The following FBXO4 variants were observed in gnomAD, a reference collection of about 807,000 sequenced individuals.
FBXO4 encodes the protein F-box only protein 4.
Under a neutral mutation model 43.7 loss-of-function variants are expected in FBXO4, and 36 were observed. The observed-to-expected ratio is 0.82, with a 90% CI of 0.63 to 1.09. The LOEUF (loss-of-function observed/expected upper bound fraction) is 1.09, where lower values mean the gene tolerates loss of function less well. FBXO4 is among the 50% of genes least tolerant of loss of function. The pLI is 0.00. For missense variants in FBXO4, 435 were observed against 474.1 expected (o/e 0.92, Z 0.77); for synonymous variants, 180 against 165.6 (o/e 1.09, Z -0.67).
the FBXO4 span, chr5:41,963,862 T>C: frequency 6.6e-6 from 1 of 152,186 alleles, no homozygotes; most frequent in African/African-American, 2.4e-5. Context: ...AATTAGAATT[T>C]TTTTTTAAAG....
chr5:41,999,541 ATATG>A, the FBXO4 span, among the ~76,000 whole-genome samples: 147 of 109,256 alleles, frequency 1.3e-3, 1 homozygote, highest in African/African-American at 3.4e-3. Flanking sequence ...ATATACATAT[ATATG>A]TATATATATA....
chr5:41,973,523 TA>T, the FBXO4 span, among the ~76,000 whole-genome samples: 2 of 151,894 alleles, frequency 1.3e-5, no homozygotes, highest in Non-Finnish European at 2.9e-5. Flanking sequence ...CAAAAAATAA[TA>T]AAAAAAACTA....
the FBXO4 span, among the ~76,000 whole-genome samples, chr5:41,948,285 G>A: frequency 2.0e-5 from 3 of 151,994 alleles, no homozygotes; most frequent in Non-Finnish European, 4.4e-5. Context: ...ACAGGCGGCT[G>A]CCACCACGCC....
At chr5:42,035,885 T>C in the FBXO4 span, among the ~76,000 whole-genome samples, 3 of 152,126 alleles carry the variant, frequency 2.0e-5, no homozygotes, top group Non-Finnish European at 4.4e-5. Flanking sequence ...ATTAAGGACA[T>C]TTTTAACTGA....
intron 6 of FBXO4, among the ~76,000 whole-genome samples, chr5:41,940,693 C>G (rs1345287942): frequency 6.6e-6 from 1 of 152,088 alleles, no homozygotes; most frequent in East Asian, 1.9e-4. Context: ...TTCTTTGTTC[C>G]CCTTCCATCT....
chr5:41,992,759 G>A, the FBXO4 span, among the ~76,000 whole-genome samples: 1 of 152,162 alleles, frequency 6.6e-6, no homozygotes. Flanking sequence ...TGGAAATCTT[G>A]AAGAGCCTTC....
the FBXO4 span, among the ~76,000 whole-genome samples, chr5:42,015,795 T>G: frequency 1.3e-5 from 2 of 152,094 alleles, no homozygotes; most frequent in African/African-American, 2.4e-5. Flanking sequence ...GAGAGTCTGA[T>G]CTCAAGTGAT....
At chr5:42,017,939 T>C in the FBXO4 span, among the ~76,000 whole-genome samples, 4 of 152,024 alleles carry the variant, frequency 2.6e-5, no homozygotes, top group Non-Finnish European at 5.9e-5. Context: ...GATGATTTGT[T>C]TTCTTTTGGA....
At chr5:42,034,044 A>T in the FBXO4 span, among the ~76,000 whole-genome samples, 6 of 152,162 alleles carry the variant, frequency 3.9e-5, no homozygotes, top group Admixed American at 6.6e-5. Context: ...TGACTTTTTA[A>T]TAATTGCCAT....
In FBXO4 at chr5:41,928,304, T is replaced by C. The variant is rs190816163; in HGVS notation, c.425+1056T>C. Among the ~76,000 whole-genome samples the C allele has an allele frequency of 3.9e-5, 6 of 152,232 alleles. No homozygotes were observed. The East Asian group carries it at 9.6e-4, about 24-fold the overall frequency. ...CATTTATGGTCATATAAAGTACTTATCATTTTTACAACCCTGAGTTATTTC... is the reference window on the plus strand; with the variant it reads ...CATTTATGGTCATATAAAGTACTTACCATTTTTACAACCCTGAGTTATTTC... On this transcript the variant is annotated intron_variant, in intron 2 of 6. Coordinates refer to ENST00000281623, the MANE Select transcript of FBXO4 (RefSeq NM_012176.3).
the FBXO4 span, among the ~76,000 whole-genome samples, chr5:42,022,105 G>A: frequency 6.6e-6 from 1 of 152,224 alleles, no homozygotes; most frequent in South Asian, 2.1e-4. Flanking sequence ...CATAAGAAGG[G>A]CTTAAATGAG....
chr5:42,021,008 A>G, the FBXO4 span, among the ~76,000 whole-genome samples: 1 of 152,164 alleles, frequency 6.6e-6, no homozygotes, highest in African/African-American at 2.4e-5. Flanking sequence ...GAAGCATGAC[A>G]TGAAGTGAGG....
At chr5:42,032,428 C>T in the FBXO4 span, among the ~76,000 whole-genome samples, 187 of 152,256 alleles carry the variant, frequency 1.2e-3, no homozygotes, top group African/African-American at 4.5e-3. Flanking sequence ...TGCAGCTGAG[C>T]TGGCACTCAA....
the FBXO4 span, among the ~76,000 whole-genome samples, chr5:41,957,491 TAATC>T: frequency 2.0e-5 from 3 of 149,080 alleles, no homozygotes; most frequent in Non-Finnish European, 3.0e-5. Context: ...ATAATTATAA[TAATC>T]CTTGCTCTGA....
At chr5:42,013,053 C>T in the FBXO4 span, among the ~76,000 whole-genome samples, 1 of 152,200 alleles carries the variant, frequency 6.6e-6, no homozygotes, top group South Asian at 2.1e-4. Flanking sequence ...ACACATAATT[C>T]CAACACTTTG....
the FBXO4 span, among the ~76,000 whole-genome samples, chr5:42,025,236 A>G: frequency 1.3e-5 from 2 of 151,846 alleles, no homozygotes; most frequent in African/African-American, 2.4e-5. Context: ...TGTCTTTTGG[A>G]TATAAGCCAT....
At position 41,934,316 on chromosome 5, in the gene FBXO4, C is replaced by CT; in HGVS notation, c.898+9dup. The CT allele has an allele frequency of 1.2e-6, 2 of 1,613,850 alleles. No homozygotes were observed. Among genetic ancestry groups the CT allele is most frequent in the Non-Finnish European group, 1.7e-6 (2 of 1,179,966 alleles). ...ATGCTGAAGCTCATAAAAGTAAGTA[C>CT]TCATATGTACATTTTTAAGCACATT... On this transcript the variant is annotated intron_variant, in intron 5 of 6. Coordinates refer to ENST00000281623, the MANE Select transcript of FBXO4 (RefSeq NM_012176.3).
the FBXO4 span, among the ~76,000 whole-genome samples, chr5:41,964,198 T>G: frequency 6.6e-6 from 1 of 152,222 alleles, no homozygotes; most frequent in Admixed American, 6.5e-5. Context: ...TAAAATTACT[T>G]TAAAATATTT....
chr5:41,973,494 T>C, the FBXO4 span, among the ~76,000 whole-genome samples: 1 of 152,216 alleles, frequency 6.6e-6, no homozygotes, highest in Admixed American at 6.5e-5. Flanking sequence ...CTGGGCAACA[T>C]GGTGAGATCC....
Sources: allele counts gnomAD v4.1 joint callset (sites outside exome capture counted in the v4.1 genomes callset), GRCh38; gene constraint gnomAD v4.1.1; transcripts MANE v1.5; gene names NCBI Gene and HGNC (gene_info 2026-07-23, HGNC 2026-07-21).